RUNX1: variants seen among roughly 807,000 people sequenced by gnomAD.
The protein encoded by RUNX1 is RUNX family transcription factor 1, also known as runt-related transcription factor 1.
Under a neutral mutation model 42.8 loss-of-function variants are expected in RUNX1, and 19 were observed. The ratio of observed to expected loss-of-function variants is 0.44; its 90% confidence interval spans 0.31 to 0.65. The LOEUF (loss-of-function observed/expected upper bound fraction) is 0.65. Among genes scored for constraint, RUNX1 ranks in the 30% least tolerant of loss-of-function variants. The pLI is 0.07. For synonymous variants in RUNX1, 271 were observed against 289.4 expected, an observed-to-expected ratio of 0.94 and a Z score of 0.64; for missense variants, 528 against 672.0, an observed-to-expected ratio of 0.79 and a Z score of 2.37.
intron 2 of RUNX1, chr21:35,038,466 T>G (rs750158435): frequency 2.2e-6 from 1 of 454,462 alleles, no homozygotes; most frequent in African/African-American, 2.0e-5. Context: ...AGCAGAGACA[T>G]GACAGCAGCA....
In RUNX1 at chr21:34,792,372, G is replaced by T; in HGVS notation, c.1206C>A (p.Ser402=). The T allele has an allele frequency of 6.4e-7, 1 of 1,564,000 alleles. No individual in the cohort carries two copies. Among genetic ancestry groups the T allele is most frequent in the Non-Finnish European group, 8.7e-7 (1 of 1,154,172 alleles). ...CCGAGGCGCCGTAGTACAGGTGGTA[G>T]GAGGGCGAGCTGGCTTGGAACGGGC... ...QGGPFQASSP[S]YHLYYGASAG... is the part of the protein sequence containing the mutation. The change falls in exon 9 of 9, where the codon TCC becomes TCA. Residue 402 remains serine (S), a synonymous_variant. Transcript: ENST00000675419. This position sits in a 1 kb window ranked among gnomAD's most constrained non-coding sequence, Gnocchi z 6.9.
intron 6 of RUNX1, among the ~76,000 whole-genome samples, chr21:34,840,758 C>A (rs1420171297): frequency 6.6e-6 from 1 of 152,142 alleles, no homozygotes; most frequent in Non-Finnish European, 1.5e-5. Context: ...CAGCTTTGCA[C>A]GAGGTGTCCT....
intron 2 of RUNX1, among the ~76,000 whole-genome samples, chr21:34,984,835 G>A (rs974480794): frequency 2.6e-5 from 4 of 152,174 alleles, no homozygotes; most frequent in Non-Finnish European, 4.4e-5. Context: ...GATAGACCCC[G>A]TCATGTGAAG....
At chr21:35,034,075 C>T (rs1038039574) in intron 2 of RUNX1, among the ~76,000 whole-genome samples, 2 of 152,188 alleles carry the variant, frequency 1.3e-5, no homozygotes. Context: ...GAAAAATGCA[C>T]AGCTTATTCG....
intron 2 of RUNX1, among the ~76,000 whole-genome samples, chr21:34,918,366 A>G (rs556862224): frequency 1.3e-5 from 2 of 152,272 alleles, no homozygotes; most frequent in Admixed American, 1.3e-4. Flanking sequence ...AAAAAAATGT[A>G]GCTGATCATT....
chr21:34,945,816 T>G (rs1157998501), intron 2 of RUNX1, among the ~76,000 whole-genome samples: 1 of 152,220 alleles, frequency 6.6e-6, no homozygotes, highest in South Asian at 2.1e-4. Flanking sequence ...ATTGTATCTA[T>G]GAATGTGAAC....
At chr21:34,836,841 C>G (rs1269222989) in intron 6 of RUNX1, among the ~76,000 whole-genome samples, 2 of 152,158 alleles carry the variant, frequency 1.3e-5, no homozygotes, top group African/African-American at 4.8e-5. Flanking sequence ...GTGGTAGAGT[C>G]TACAGCCACA....
intron 6 of RUNX1, among the ~76,000 whole-genome samples, chr21:34,847,894 T>C (rs1197101099): frequency 6.6e-6 from 1 of 152,210 alleles, no homozygotes; most frequent in African/African-American, 2.4e-5. Context: ...TTGTACTGTA[T>C]TGTGAGGGCC....
intron 6 of RUNX1, among the ~76,000 whole-genome samples, chr21:34,841,742 C>A (rs2057238911): frequency 6.6e-6 from 1 of 152,178 alleles, no homozygotes; most frequent in Non-Finnish European, 1.5e-5. Flanking sequence ...TCCCTCCCAC[C>A]CTTCAAGTAT....
intron 2 of RUNX1, among the ~76,000 whole-genome samples, chr21:35,039,801 T>A (rs1453835701): frequency 6.6e-6 from 1 of 152,236 alleles, no homozygotes; most frequent in Non-Finnish European, 1.5e-5. Flanking sequence ...ACAGTGCTAA[T>A]ATTTGTTTAA....
chr21:34,912,018 T>C (rs553415069), intron 2 of RUNX1, among the ~76,000 whole-genome samples: 2 of 151,874 alleles, frequency 1.3e-5, no homozygotes, highest in East Asian at 3.9e-4. Flanking sequence ...TTGATTTCTG[T>C]GTTTATGTAT....
At chr21:34,968,052 C>T (rs1467841988) in intron 2 of RUNX1, among the ~76,000 whole-genome samples, 6 of 152,196 alleles carry the variant, frequency 3.9e-5, no homozygotes, top group African/African-American at 7.2e-5. Context: ...CCCAAACGCC[C>T]GATCCAGCTT....
At chr21:34,894,795 T>A (rs1292606898) in intron 2 of RUNX1, among the ~76,000 whole-genome samples, 1 of 151,736 alleles carries the variant, frequency 6.6e-6, no homozygotes, top group African/African-American at 2.4e-5. Flanking sequence ...ACATCATTGC[T>A]ACCCCCATTT....
chr21:34,831,805 A>ATATG (rs1157830565), intron 7 of RUNX1, among the ~76,000 whole-genome samples: 1 of 152,136 alleles, frequency 6.6e-6, no homozygotes, highest in Non-Finnish European at 1.5e-5. Context: ...TGGCTGAACA[A>ATATG]GACTTGCATA....
At chr21:35,047,251 T>C (rs1183132441) in intron 2 of RUNX1, among the ~76,000 whole-genome samples, 1 of 152,070 alleles carries the variant, frequency 6.6e-6, no homozygotes, top group Non-Finnish European at 1.5e-5. Context: ...TATACAAATA[T>C]TGCTTCCTCT....
At chr21:34,816,490 A>C (rs1386413230) in intron 7 of RUNX1, among the ~76,000 whole-genome samples, 4 of 152,120 alleles carry the variant, frequency 2.6e-5, no homozygotes. Flanking sequence ...TAGCCATGAC[A>C]GTTGGTGAAG....
intron 7 of RUNX1, among the ~76,000 whole-genome samples, chr21:34,826,177 G>GA (rs1241964082): frequency 6.6e-6 from 1 of 152,230 alleles, no homozygotes; most frequent in Non-Finnish European, 1.5e-5. Flanking sequence ...TGGTGGTGTT[G>GA]ATGAGGCCTT....
chr21:34,999,244 G>A (rs1297212375), intron 2 of RUNX1, among the ~76,000 whole-genome samples: 1 of 152,226 alleles, frequency 6.6e-6, no homozygotes, highest in Non-Finnish European at 1.5e-5. Context: ...GTGGTGATGG[G>A]AGGCCGTGGC....
intron 4 of RUNX1, among the ~76,000 whole-genome samples, chr21:34,885,566 T>C (rs2057970919): frequency 6.6e-6 from 1 of 152,190 alleles, no homozygotes; most frequent in African/African-American, 2.4e-5. Context: ...AACTGCAAAT[T>C]TCGTTTTGTT....
Sources: allele counts gnomAD v4.1 joint callset (sites outside exome capture counted in the v4.1 genomes callset), GRCh38; gene constraint gnomAD v4.1.1; non-coding constraint Gnocchi (gnomAD v3.1); transcripts MANE v1.5; gene names NCBI Gene and HGNC (gene_info 2026-07-23, HGNC 2026-07-21).